Variants in DNAI4 observed in about 807,000 individuals in gnomAD.
The protein encoded by DNAI4 is WD repeat domain 78.
A neutral mutation model predicts 105.8 loss-of-function variants in DNAI4; 85 were observed. The observed-to-expected ratio is 0.80, with a 90% CI of 0.67 to 0.96. The LOEUF (loss-of-function observed/expected upper bound fraction) is 0.96. Among genes scored for constraint, DNAI4 ranks in the 40% least tolerant of loss-of-function variants. The probability of loss-of-function intolerance (pLI) is 0.00; values close to 1 mark genes in which losing one functional copy is unlikely to be tolerated. For synonymous variants in DNAI4, 352 were observed against 331.5 expected (o/e 1.06, Z -0.67); for missense variants, 1,014 against 1,005.6 (o/e 1.01, Z -0.11).
At chr1:66,880,029 G>T (rs180726730) in intron 4 of DNAI4, among the ~76,000 whole-genome samples, 3 of 151,542 alleles carry the variant, frequency 2.0e-5, no homozygotes, top group Non-Finnish European at 4.4e-5. Context: ...GTCTCACAAG[G>T]TCTGATGGTT....
intron 9 of DNAI4, among the ~76,000 whole-genome samples, chr1:66,838,753 T>C (rs987533865): frequency 6.6e-6 from 1 of 152,338 alleles, no homozygotes; most frequent in East Asian, 1.9e-4. Flanking sequence ...ACCCTGACAT[T>C]GACATATCCC....
chr1:66,859,341 C>T (rs1237521248), intron 7 of DNAI4, among the ~76,000 whole-genome samples: 2 of 122,666 alleles, frequency 1.6e-5, no homozygotes, highest in Non-Finnish European at 3.3e-5. Flanking sequence ...AATGCTCACT[C>T]ATTGCTAATG....
chr1:66,874,058 T>C (rs532620062), intron 5 of DNAI4, among the ~76,000 whole-genome samples: 9 of 151,984 alleles, frequency 5.9e-5, no homozygotes, highest in African/African-American at 1.9e-4. Flanking sequence ...CAAATAATAC[T>C]TTAGGTAAAA....
At chr1:66,877,510 A>G (rs1359019294) in intron 4 of DNAI4, among the ~76,000 whole-genome samples, 1 of 152,208 alleles carries the variant, frequency 6.6e-6, no homozygotes, top group African/African-American at 2.4e-5. Flanking sequence ...TTAGGTATAC[A>G]GAAGAGTTGT....
chr1:66,835,648 T>A lies in DNAI4; in HGVS notation c.1711A>T (p.Asn571Tyr), dbSNP rs139937714. The stretch of plus-strand genomic sequence containing the variant: ...TACCTACTATCCAGAACTGGAACAT[T>A]ACTGTTGCTCCGTACATTGTAAATT... ...IAIYNVRSNS[N>Y]VPVLDSSESP... The change falls in exon 11 of 17, where the codon AAT becomes TAT. Residue 571 changes from asparagine (N) to tyrosine (Y), a missense_variant. Physicochemically the swap from Asn to Tyr is moderately radical, Grantham distance 143. Coordinates refer to ENST00000371026, the MANE Select transcript of DNAI4 (RefSeq NM_024763.5). The A allele has an allele frequency of 1.2e-5, 20 of 1,614,024 alleles. No individual in the cohort carries two copies. Among genetic ancestry groups the A allele is most frequent in the Non-Finnish European group, 1.6e-5 (19 of 1,180,006 alleles).
chr1:66,863,364 A>G (rs1483137320), intron 6 of DNAI4, among the ~76,000 whole-genome samples: 1 of 152,212 alleles, frequency 6.6e-6, no homozygotes, highest in Non-Finnish European at 1.5e-5. Context: ...AATTGCTACA[A>G]CTATTATTTT....
intron 1 of DNAI4, among the ~76,000 whole-genome samples, chr1:66,906,400 A>G (rs1294173611): frequency 1.3e-5 from 2 of 152,212 alleles, no homozygotes; most frequent in Non-Finnish European, 2.9e-5. Context: ...TTATAAAAAT[A>G]TGCTTCCAAA....
intron 16 of DNAI4, 74 bp from the exon 17 acceptor site, chr1:66,814,254 A>T: frequency 1.7e-6 from 2 of 1,179,770 alleles, no homozygotes; most frequent in Non-Finnish European, 2.4e-6. Context: ...TTAAAATGCC[A>T]TTTAAAATTT....
intron 13 of DNAI4, among the ~76,000 whole-genome samples, chr1:66,829,779 T>C (rs1166315352): frequency 6.6e-6 from 1 of 152,192 alleles, no homozygotes; most frequent in South Asian, 2.1e-4. Context: ...TTCTCAAGTA[T>C]ACAGGGAATA....
At position 66,836,238 on chromosome 1, in the gene DNAI4, GAAAGAA is replaced by G. The variant is rs1487353860; in HGVS notation, c.1582-467_1582-462del. ...AGAGAGAGAGAGAGAGAGAGAGAAA[GAAAGAA>G]AGAGAGAGAGAGAAAGAAAGAAAGA... On this transcript the variant is annotated intron_variant, in intron 10 of 16. Transcript: ENST00000371026. Among the ~76,000 whole-genome samples, 744 of 132,508 alleles carry G rather than the reference GAAAGAA, an allele frequency of 5.6e-3. 12 individuals are homozygous for G. The highest frequency in any genetic ancestry group is 0.011 in the African/African-American group (388 of 33,920). 86.9% of individuals were successfully genotyped at this position (132,508 alleles called of 152,430 possible).
At chr1:66,834,204 C>A in intron 11 of DNAI4, 56 bp from the exon 12 acceptor site, 1 of 1,413,004 alleles carries the variant, frequency 7.1e-7, no homozygotes, top group South Asian at 1.4e-5. Context: ...TTCTTAAAGG[C>A]CTTGGAGTAT....
intron 13 of DNAI4, among the ~76,000 whole-genome samples, chr1:66,831,440 C>A (rs925665684): frequency 1.5e-4 from 23 of 152,220 alleles, no homozygotes; most frequent in African/African-American, 5.5e-4. Flanking sequence ...TAGTAAACAA[C>A]AATCAAATAA....
At chr1:66,835,420 G>T (rs1271425957) in intron 11 of DNAI4, among the ~76,000 whole-genome samples, 1 of 152,230 alleles carries the variant, frequency 6.6e-6, no homozygotes, top group Non-Finnish European at 1.5e-5. Flanking sequence ...AAGTTCGTTA[G>T]TGAGATGGGC....
At chr1:66,840,259 C>A (rs892939902) in intron 9 of DNAI4, among the ~76,000 whole-genome samples, 1 of 152,124 alleles carries the variant, frequency 6.6e-6, no homozygotes, top group African/African-American at 2.4e-5. Context: ...TAAATGTTTA[C>A]TATATTAAAG....
intron 1 of DNAI4, among the ~76,000 whole-genome samples, chr1:66,906,222 A>T (rs3008891): frequency 0.08 from 12,189 of 152,030 alleles, 619 homozygotes; most frequent in African/African-American, 0.14. Flanking sequence ...TGCCCTTTTT[A>T]ATAAGAAGAG....
intron 1 of DNAI4, among the ~76,000 whole-genome samples, chr1:66,906,501 A>T (rs1199189486): frequency 6.6e-6 from 1 of 152,148 alleles, no homozygotes; most frequent in Non-Finnish European, 1.5e-5. Context: ...TCCAGTTTTC[A>T]TATTTTATTT....
chr1:66,850,513 G>A (rs1646374601), intron 7 of DNAI4, among the ~76,000 whole-genome samples: 1 of 151,696 alleles, frequency 6.6e-6, no homozygotes, highest in Non-Finnish European at 1.5e-5. Flanking sequence ...TAGAACATCT[G>A]AAAGGAAAAA....
At chr1:66,840,258 A>G (rs1054405074) in intron 9 of DNAI4, among the ~76,000 whole-genome samples, 3 of 152,222 alleles carry the variant, frequency 2.0e-5, no homozygotes, top group Non-Finnish European at 4.4e-5. Flanking sequence ...TTAAATGTTT[A>G]CTATATTAAA....
intron 4 of DNAI4, among the ~76,000 whole-genome samples, chr1:66,878,984 T>C (rs1647012494): frequency 6.6e-6 from 1 of 152,208 alleles, no homozygotes; most frequent in South Asian, 2.1e-4. Context: ...ATTCTTTTGT[T>C]ACAGTCTGTA....
Sources: gnomAD v4.1 joint callset for allele counts (sites outside exome capture counted in the v4.1 genomes callset) on GRCh38, gnomAD v4.1.1 for gene constraint, MANE v1.5 for transcripts, NCBI Gene and HGNC (gene_info 2026-07-23, HGNC 2026-07-21) for gene names.